The following CCNH variants were observed in gnomAD, a reference collection of about 807,000 sequenced individuals.
The protein encoded by CCNH is cyclin H.
A neutral mutation model predicts 41.9 loss-of-function variants in CCNH; 31 were observed. That is an observed-to-expected ratio of 0.74 (90% confidence interval 0.56 to 1.00). The LOEUF (loss-of-function observed/expected upper bound fraction) is 1.00, where lower values mean the gene tolerates loss of function less well. Ranked by LOEUF, CCNH falls within the 50% of genes least tolerant of loss-of-function variation. The pLI, the probability that CCNH is intolerant of heterozygous loss-of-function variation, is 0.00. For missense variants in CCNH, 362 were observed against 388.4 expected (o/e 0.93, Z 0.57); for synonymous variants, 138 against 136.1 (o/e 1.01, Z -0.10).
chr5:87,385,770 A>G (rs1482358213), intron 9 of CCNH, among the ~76,000 whole-genome samples: 2 of 152,168 alleles, frequency 1.3e-5, no homozygotes, highest in East Asian at 1.9e-4. Context: ...TGTACTATCT[A>G]AGGATAATGA....
chr5:87,326,681 C>A lies in CCNH; in HGVS notation c.*91-7784G>T, dbSNP rs141483846. 2.7e-3 allele frequency among the ~76,000 whole-genome samples: 405 copies of A among 152,268 alleles called. 5 individuals are homozygous for A. Among genetic ancestry groups the A allele is most frequent in the East Asian group, 8.1e-3 (42 of 5,176 alleles). On this transcript the variant is annotated intron_variant and NMD_transcript_variant, in intron 9 of 9. Transcript: ENST00000645953. Reference sequence around the variant, plus strand: ...ATACTATCCTTTATATTGCCCCCAACACCCAAAATATACACACATTGGGAA... The same window carrying A: ...ATACTATCCTTTATATTGCCCCCAAAACCCAAAATATACACACATTGGGAA...
downstream of CCNH, among the ~76,000 whole-genome samples, chr5:87,371,571 A>G (rs1057349531): frequency 1.3e-5 from 2 of 152,152 alleles, no homozygotes; most frequent in African/African-American, 4.8e-5. Flanking sequence ...TTAAAATCTA[A>G]TGTTATATTT....
chr5:87,395,250 G>A (rs893383890), intron 7 of CCNH, 146 bp from the exon 8 acceptor site: 21 of 558,240 alleles, frequency 3.8e-5, no homozygotes, highest in Non-Finnish European at 3.4e-5. Context: ...ACAGCTATGG[G>A]GTAGGGAAAA....
At chr5:87,338,230 G>T in intron 9 of CCNH, 1 of 1,359,726 alleles carries the variant, frequency 7.4e-7, no homozygotes, top group South Asian at 1.4e-5. Context: ...AATTATAAGT[G>T]CTGTTTGTTA....
chr5:87,375,414 C>T (rs1761258802), downstream of CCNH, among the ~76,000 whole-genome samples: 1 of 152,040 alleles, frequency 6.6e-6, no homozygotes, highest in Non-Finnish European at 1.5e-5. Context: ...GCGCCCGCCA[C>T]CATACCTGGC....
chr5:87,334,729 TTGA>T (rs984600846), intron 9 of CCNH, among the ~76,000 whole-genome samples: 2 of 152,218 alleles, frequency 1.3e-5, no homozygotes, highest in Non-Finnish European at 2.9e-5. Context: ...AAGAGTGTTG[TTGA>T]TGAGGGAGTA....
At position 87,345,444 on chromosome 5, in the gene CCNH, C is replaced by T. The variant is rs982538366; in HGVS notation, c.*91-26547G>A. On this transcript the variant is annotated intron_variant and NMD_transcript_variant, in intron 9 of 9. Coordinates refer to the CCNH transcript ENST00000645953. Reference sequence around the variant, plus strand: ...TGACTGTCCTCCAGAATATAAAAATCCTGCTCTAGCATTTGTAGTAAGTGG... The same window carrying T: ...TGACTGTCCTCCAGAATATAAAAATTCTGCTCTAGCATTTGTAGTAAGTGG... Among the ~76,000 whole-genome samples, 62 of 152,128 alleles carry T rather than the reference C, an allele frequency of 4.1e-4. 1 individual carries two copies. The highest frequency in any genetic ancestry group is 1.4e-3 in the African/African-American group (59 of 41,504).
At chr5:87,342,551 T>C (rs1758549606) in intron 9 of CCNH, among the ~76,000 whole-genome samples, 4 of 152,192 alleles carry the variant, frequency 2.6e-5, no homozygotes, top group Non-Finnish European at 5.9e-5. Flanking sequence ...CAGTTTTCTT[T>C]AGACACAATA....
At chr5:87,362,882 GTTTC>G (rs1349043324) in intron 9 of CCNH, among the ~76,000 whole-genome samples, 4 of 150,544 alleles carry the variant, frequency 2.7e-5, no homozygotes, top group African/African-American at 4.9e-5. Context: ...TCTACCCATG[GTTTC>G]TTTTTTTCTT....
chr5:87,386,281 T>A (rs2112515670), intron 9 of CCNH, among the ~76,000 whole-genome samples: 1 of 152,154 alleles, frequency 6.6e-6, no homozygotes, highest in Middle Eastern at 3.4e-3. Flanking sequence ...TCCCTATTTA[T>A]AGCATGGTTT....
intron 9 of CCNH, among the ~76,000 whole-genome samples, chr5:87,357,394 C>T (rs74582239): frequency 0.012 from 1,823 of 152,080 alleles, 30 homozygotes; most frequent in African/African-American, 0.041. Context: ...ATTCTAATTC[C>T]CCTTGGCTCT....
intron 9 of CCNH, among the ~76,000 whole-genome samples, chr5:87,357,046 G>A (rs1759703804): frequency 6.6e-6 from 1 of 152,040 alleles, no homozygotes; most frequent in African/African-American, 2.4e-5. Context: ...CTTTACCCTT[G>A]CCTGTATTGT....
chr5:87,391,671 T>TACCA, downstream of CCNH: 1 of 233,034 alleles, frequency 4.3e-6, no homozygotes, highest in Non-Finnish European at 8.5e-6. Context: ...TTTTATAGAC[T>TACCA]ACCAATTTCT....
chr5:87,408,541 A>C (rs1443267673), intron 3 of CCNH, among the ~76,000 whole-genome samples: 3 of 152,184 alleles, frequency 2.0e-5, no homozygotes, highest in African/African-American at 7.2e-5. Context: ...TTAAAAATAA[A>C]GCAGTACCCA....
chr5:87,380,914 A>G (rs1332617748), upstream of CCNH, among the ~76,000 whole-genome samples: 5 of 152,194 alleles, frequency 3.3e-5, no homozygotes, highest in South Asian at 2.1e-4. Context: ...ATACACACAC[A>G]TTGATTGGCA....
At chr5:87,327,784 G>A (rs558945028) in intron 9 of CCNH, among the ~76,000 whole-genome samples, 2 of 152,164 alleles carry the variant, frequency 1.3e-5, no homozygotes, top group Non-Finnish European at 2.9e-5. Context: ...GGCCAACATG[G>A]TGAAACCCCG....
At chr5:87,335,840 G>C (rs1757938147) in intron 9 of CCNH, among the ~76,000 whole-genome samples, 1 of 152,180 alleles carries the variant, frequency 6.6e-6, no homozygotes, top group African/African-American at 2.4e-5. Flanking sequence ...TTATGCATGG[G>C]TAAAAGATTC....
chr5:87,368,882 T>C (rs1432731608), intron 9 of CCNH, among the ~76,000 whole-genome samples: 1 of 152,172 alleles, frequency 6.6e-6, no homozygotes, highest in African/African-American at 2.4e-5. Context: ...TTTCAAACAG[T>C]TGTTTTTCTG....
chr5:87,329,182 C>T (rs1757439135), intron 9 of CCNH, among the ~76,000 whole-genome samples: 1 of 151,814 alleles, frequency 6.6e-6, no homozygotes, highest in African/African-American at 2.4e-5. Context: ...TGGTGGCTCA[C>T]ACCTGTAATC....
Sources: gnomAD v4.1 joint callset for allele counts (sites outside exome capture counted in the v4.1 genomes callset) on GRCh38, gnomAD v4.1.1 for gene constraint, MANE v1.5 for transcripts, NCBI Gene and HGNC (gene_info 2026-07-23, HGNC 2026-07-21) for gene names.